The following SLX4IP variants were observed in gnomAD, a reference collection of about 807,000 sequenced individuals.
SLX4IP encodes the protein protein SLX4IP.
A neutral mutation model predicts 32.9 loss-of-function variants in SLX4IP; 34 were observed. The ratio of observed to expected loss-of-function variants is 1.03; its 90% CI spans 0.79 to 1.38. SLX4IP has a LOEUF of 1.38. Ranked by LOEUF, SLX4IP falls within the 40% of genes most tolerant of loss-of-function variation. The pLI is 0.00. For missense variants in SLX4IP, 444 were observed against 479.0 expected (o/e 0.93, Z 0.68); for synonymous variants, 172 against 171.7 (o/e 1.00, Z -0.01).
chr20:10,570,924 G>A (rs1349499571), intron 4 of SLX4IP, among the ~76,000 whole-genome samples: 1 of 152,140 alleles, frequency 6.6e-6, no homozygotes, highest in African/African-American at 2.4e-5. Flanking sequence ...CAACCACCTG[G>A]GTTCAAGTGA....
chr20:10,456,889 C>G (rs1459833614), intron 1 of SLX4IP, among the ~76,000 whole-genome samples: 2 of 152,122 alleles, frequency 1.3e-5, no homozygotes, highest in Non-Finnish European at 2.9e-5. Context: ...CCACTTAAGT[C>G]TTTAATTTCT....
chr20:10,454,803 A>G (rs975932926), intron 1 of SLX4IP, among the ~76,000 whole-genome samples: 8 of 152,154 alleles, frequency 5.3e-5, no homozygotes, highest in East Asian at 1.9e-4. Context: ...GCAACTCTTT[A>G]AATTTTGAAA....
At chr20:10,449,204 G>A (rs1568685664) in intron 1 of SLX4IP, among the ~76,000 whole-genome samples, 2 of 152,176 alleles carry the variant, frequency 1.3e-5, no homozygotes, top group South Asian at 2.1e-4. Flanking sequence ...CTATGCAACC[G>A]ACTTTCCAGA....
chr20:10,621,269 C>T (rs1175509841), intron 6 of SLX4IP, 45 bp from the exon 7 acceptor site: 3 of 1,538,874 alleles, frequency 1.9e-6, no homozygotes, highest in Non-Finnish European at 2.7e-6. Context: ...CTCTCATGTT[C>T]AGCTAATAGA....
intron 4 of SLX4IP, among the ~76,000 whole-genome samples, chr20:10,594,543 G>A (rs2066747820): frequency 1.3e-5 from 2 of 152,162 alleles, no homozygotes; most frequent in Non-Finnish European, 2.9e-5. Flanking sequence ...TGAATCCCCT[G>A]GAAAACAAGT....
At chr20:10,576,466 C>A (rs893445753) in intron 4 of SLX4IP, among the ~76,000 whole-genome samples, 2 of 152,194 alleles carry the variant, frequency 1.3e-5, no homozygotes, top group African/African-American at 4.8e-5. Context: ...AAACTCCAAT[C>A]AGATTCACAT....
At chr20:10,533,094 T>G (rs1239265392) in intron 2 of SLX4IP, among the ~76,000 whole-genome samples, 2 of 151,968 alleles carry the variant, frequency 1.3e-5, no homozygotes, top group African/African-American at 4.8e-5. Flanking sequence ...TATTTTTGTG[T>G]CAAGAAGGAG....
At chr20:10,534,466 G>A (rs188399208) in intron 2 of SLX4IP, among the ~76,000 whole-genome samples, 36 of 152,272 alleles carry the variant, frequency 2.4e-4, no homozygotes, top group African/African-American at 8.7e-4. Context: ...GGTACATGAT[G>A]CTGCCTGCAA....
intron 2 of SLX4IP, among the ~76,000 whole-genome samples, chr20:10,550,677 T>G (rs1386593701): frequency 2.6e-5 from 4 of 152,202 alleles, no homozygotes; most frequent in African/African-American, 9.6e-5. Context: ...TGAGCCTTCC[T>G]GCCCTATTGG....
intron 2 of SLX4IP, among the ~76,000 whole-genome samples, chr20:10,497,634 A>C (rs1820700001): frequency 6.6e-6 from 1 of 151,940 alleles, no homozygotes; most frequent in African/African-American, 2.4e-5. Flanking sequence ...ATAATTTCTT[A>C]CTCATTTTAA....
At chr20:10,571,606 C>G (rs1436550094) in intron 4 of SLX4IP, among the ~76,000 whole-genome samples, 1 of 152,218 alleles carries the variant, frequency 6.6e-6, no homozygotes, top group Admixed American at 6.5e-5. Context: ...CCCTGCTCAC[C>G]CTCTGGTGTA....
intron 2 of SLX4IP, among the ~76,000 whole-genome samples, chr20:10,482,834 G>T (rs1328881729): frequency 6.6e-6 from 1 of 152,102 alleles, no homozygotes; most frequent in African/African-American, 2.4e-5. Context: ...CATCAGACTG[G>T]AAACTTAAAA....
At chr20:10,446,336 C>T (rs190627404) in intron 1 of SLX4IP, among the ~76,000 whole-genome samples, 140 of 148,158 alleles carry the variant, frequency 9.4e-4, no homozygotes, top group African/African-American at 2.9e-3. Flanking sequence ...CACTTGAACT[C>T]GGAGGGCAGA....
At chr20:10,524,513 G>C (rs2065926280) in intron 2 of SLX4IP, among the ~76,000 whole-genome samples, 1 of 152,230 alleles carries the variant, frequency 6.6e-6, no homozygotes, top group East Asian at 1.9e-4. Flanking sequence ...GCAGTGATGA[G>C]AAAATAGTCA....
Position 10,614,095 on chromosome 20 carries a change from C to T in SLX4IP, c.406-7219C>T, listed in dbSNP as rs1430169599. ...CCCTCGCCCACCCGGTCCAGGTGTA[C>T]CTGCAGGGACACCTTGTGGTAGCCT... On this transcript the variant is annotated intron_variant, in intron 6 of 7. Coordinates refer to ENST00000334534, the MANE Select transcript of SLX4IP (RefSeq NM_001009608.3). 8 of 1,533,860 alleles carry T rather than the reference C, an allele frequency of 5.2e-6. No individual in the cohort carries two copies. In the Admixed American group the frequency reaches 1.1e-4, roughly 21 times the overall value.
At chr20:10,475,518 A>G (rs2065468775) in intron 2 of SLX4IP, among the ~76,000 whole-genome samples, 1 of 152,172 alleles carries the variant, frequency 6.6e-6, no homozygotes, top group Non-Finnish European at 1.5e-5. Context: ...AGGTAGCTTC[A>G]GGTTGCCCAT....
chr20:10,477,936 C>T lies in SLX4IP; in HGVS notation c.27+19705C>T, dbSNP rs192053693. On this transcript the variant is annotated intron_variant, in intron 2 of 7. Coordinates refer to ENST00000334534, the MANE Select transcript of SLX4IP (RefSeq NM_001009608.3). ...TTTTTGAAACGGAGTCTTGCTCTAT[C>T]GCCCATGCTGGAGTGGGAGTGGCGT... 3.0e-3 allele frequency among the ~76,000 whole-genome samples: 438 copies of T among 146,790 alleles called. 6 individuals carry two copies. The highest frequency in any genetic ancestry group is 1.6e-3 in the Non-Finnish European group (110 of 67,228).
intron 1 of SLX4IP, among the ~76,000 whole-genome samples, chr20:10,457,851 TTC>T (rs1365779120): frequency 1.3e-5 from 2 of 152,090 alleles, no homozygotes; most frequent in African/African-American, 2.4e-5. Context: ...TTTTTTTTTT[TTC>T]TTTCTGTAGA....
intron 4 of SLX4IP, among the ~76,000 whole-genome samples, chr20:10,566,505 C>T (rs1354478443): frequency 2.6e-5 from 4 of 152,000 alleles, no homozygotes; most frequent in Non-Finnish European, 5.9e-5. Context: ...GGGGATGGAA[C>T]GTAAACGTTT....
Sources: gnomAD v4.1 joint callset for allele counts (sites outside exome capture counted in the v4.1 genomes callset) on GRCh38, gnomAD v4.1.1 for gene constraint, MANE v1.5 for transcripts, NCBI Gene and HGNC (gene_info 2026-07-23, HGNC 2026-07-21) for gene names.